Variants in TARBP1 observed in about 807,000 individuals in gnomAD.
TARBP1 encodes the protein tRNA guanosine 2 -O-methyltransferase TARBP1.
In TARBP1, 144 loss-of-function variants were observed where a neutral mutation model predicts 178.6. The ratio of observed to expected loss-of-function variants is 0.81; its 90% CI spans 0.70 to 0.93. The LOEUF (loss-of-function observed/expected upper bound fraction) is 0.93. TARBP1 is among the 40% of genes least tolerant of loss of function. The pLI is 0.00. For synonymous variants in TARBP1, 787 were observed against 781.0 expected, an observed-to-expected ratio of 1.01 and a Z score of -0.13; for missense variants, 2,067 against 2,011.7, an observed-to-expected ratio of 1.03 and a Z score of -0.53.
At position 234,418,244 on chromosome 1, in the gene TARBP1, A is replaced by C; in HGVS notation, c.3556-11T>G. 1 of 1,547,178 alleles carries C rather than the reference A, an allele frequency of 6.5e-7. No homozygotes were observed. On this transcript the variant is annotated splice_polypyrimidine_tract_variant and intron_variant, in intron 21 of 29. Transcript: ENST00000040877. ...TCCATTCAAGAAATTCTGAGAAAAA[A>C]AGTTCACAATTAACCAGTTACAGTT...
At position 234,433,368 on chromosome 1, in the gene TARBP1, C is replaced by T. The variant is rs749972849; in HGVS notation, c.2394+42G>A. 3.4e-5 allele frequency: 54 copies of T among 1,590,144 alleles called. No individual in the cohort carries two copies. The East Asian group carries it at 5.6e-4, about 16-fold the overall frequency. On this transcript the variant is annotated intron_variant, in intron 14 of 29. Coordinates refer to ENST00000040877, the MANE Select transcript of TARBP1 (RefSeq NM_005646.4). ...AACTGAATATGTATTCCCTGTATGCCTTATTCAAGATAACTACAAACCTTG... is the reference window on the plus strand; with the variant it reads ...AACTGAATATGTATTCCCTGTATGCTTTATTCAAGATAACTACAAACCTTG...
At position 234,465,708 on chromosome 1, in the gene TARBP1, AC is replaced by A; in HGVS notation, c.1249-1del. On this transcript the variant is annotated splice_acceptor_variant, in intron 4 of 29. Coordinates refer to ENST00000040877, the MANE Select transcript of TARBP1 (RefSeq NM_005646.4). LOFTEE classifies it high-confidence loss of function. ...GCATCCATTAATGGTCCAATAATAA[AC>A]TAAAAAAAAAAAAAAAAAAAGACAC... The A allele has an allele frequency of 1.3e-6, 2 of 1,517,934 alleles. No homozygotes were observed. Among genetic ancestry groups the A allele is most frequent in the Non-Finnish European group, 1.8e-6 (2 of 1,140,528 alleles). The allele number at this position is 1,517,934 out of a possible 1,614,324, so 94.0% of individuals were successfully genotyped here. A position where few individuals can be genotyped will look rare whatever the true frequency, so the allele number is the denominator to read the frequency against.
intron 12 of TARBP1, among the ~76,000 whole-genome samples, chr1:234,438,900 A>G (rs1196464653): frequency 2.0e-5 from 3 of 152,206 alleles, no homozygotes; most frequent in Admixed American, 6.5e-5. Context: ...ACAGAGAAAA[A>G]TGACATTGCC....
At chr1:234,434,447 G>T (rs764727799) in intron 13 of TARBP1, among the ~76,000 whole-genome samples, 1 of 152,300 alleles carries the variant, frequency 6.6e-6, no homozygotes, top group South Asian at 2.1e-4. Flanking sequence ...AGAAGGTAAC[G>T]ATTACAAGAC....
intron 23 of TARBP1, chr1:234,406,363 G>C (rs989386721): frequency 2.3e-6 from 1 of 428,060 alleles, no homozygotes; most frequent in African/African-American, 2.0e-5. Context: ...CCATACTCTA[G>C]TACCTGAGTT....
intron 23 of TARBP1, chr1:234,408,028 C>T (rs1036844491): frequency 1.3e-5 from 2 of 152,186 alleles, no homozygotes; most frequent in Admixed American, 1.3e-4. Context: ...GGAGCCCACA[C>T]TCAAAAATGT....
chr1:234,427,860 AAC>A (rs1663960675), intron 17 of TARBP1, 94 bp from the exon 18 acceptor site: 1 of 850,344 alleles, frequency 1.2e-6, no homozygotes. Context: ...CATAATCATG[AAC>A]AGTCTAAAAA....
intron 12 of TARBP1, 48 bp from the exon 13 acceptor site, chr1:234,437,420 G>A (rs780036418): frequency 2.3e-5 from 21 of 930,000 alleles, no homozygotes; most frequent in Non-Finnish European, 3.4e-5. Context: ...CAGTTCTTTG[G>A]TACAAAACAC....
Position 234,418,142 on chromosome 1 carries a change from A to G in TARBP1, c.3647T>C (p.Ile1216Thr), listed in dbSNP as rs1662648158. The G allele has an allele frequency of 6.6e-7, 1 of 1,517,544 alleles. No individual in the cohort carries two copies. The highest frequency in any genetic ancestry group is 8.8e-7 in the Non-Finnish European group (1 of 1,133,662). 94.0% of individuals were successfully genotyped at this position (1,517,544 alleles called of 1,614,324 possible). Residue 1216 changes from isoleucine (I) to threonine (T), a missense_variant, in exon 22 of 30, where the codon ATA (isoleucine) becomes ACA (threonine). Coordinates refer to ENST00000040877, the MANE Select transcript of TARBP1 (RefSeq NM_005646.4). ...SIKYFIEWII[I>T]LILHKFPQFL... ...TTGAGGGAATTTATGAAGAATCAATATAATAATCCATTCTATAAAATATTT... is the reference window on the plus strand; with the variant it reads ...TTGAGGGAATTTATGAAGAATCAATGTAATAATCCATTCTATAAAATATTT...
intron 8 of TARBP1, among the ~76,000 whole-genome samples, chr1:234,458,325 CAA>C (rs965099614): frequency 1.1e-4 from 17 of 151,320 alleles, no homozygotes; most frequent in African/African-American, 4.1e-4. Context: ...GTCTGGGAGA[CAA>C]GAGCAAAACT....
At chr1:234,395,193 C>T (rs1424778674) in intron 26 of TARBP1, among the ~76,000 whole-genome samples, 2 of 152,110 alleles carry the variant, frequency 1.3e-5, no homozygotes, top group Admixed American at 1.3e-4. Flanking sequence ...CACTTCACTC[C>T]AGCCTGCAGC....
chr1:234,415,762 GGGGTAATGTCCCCAGTGAACTA>G (rs1171802876), intron 22 of TARBP1, among the ~76,000 whole-genome samples: 3 of 152,172 alleles, frequency 2.0e-5, no homozygotes, highest in African/African-American at 7.2e-5. Flanking sequence ...TGTGTCCAGT[GGGGTAATGTCCCCAGTGAACTA>G]GCTCTCTCTG....
rs1451298039 is a variant in TARBP1, at chr1:234,450,580, C to T, written c.1723-14G>A. 3 of 1,602,808 alleles carry T rather than the reference C, an allele frequency of 1.9e-6. No homozygotes were observed. The highest frequency in any genetic ancestry group is 2.5e-6 in the Non-Finnish European group (3 of 1,176,836). ...CCAGTCACACAGCTGGAAAAGAAAA[C>T]AGTTATTACTTTATTTTAAAAACCT... is the stretch of plus-strand genomic sequence containing the variant. On this transcript the variant is annotated splice_polypyrimidine_tract_variant and intron_variant, in intron 9 of 29. Transcript: ENST00000040877.
intron 11 of TARBP1, 69 bp downstream of exon 11, chr1:234,448,411 T>C: frequency 7.3e-7 from 1 of 1,363,310 alleles, no homozygotes. Flanking sequence ...TTCAAAAATC[T>C]GAATACACAT....
chr1:234,393,308 G>A (rs1195827320), intron 28 of TARBP1, 54 bp downstream of exon 28: 1 of 1,387,742 alleles, frequency 7.2e-7, no homozygotes, highest in Non-Finnish European at 9.5e-7. Context: ...AGGTTCACGG[G>A]TACATGTGCG....
intron 21 of TARBP1, among the ~76,000 whole-genome samples, chr1:234,418,515 C>A (rs58280136): frequency 0.015 from 2,243 of 152,316 alleles, 53 homozygotes; most frequent in African/African-American, 0.05. Flanking sequence ...AGCTGAATAA[C>A]CCTCCCAAAG....
rs200017933 is a variant in TARBP1, at chr1:234,410,493, T to C, written c.3744A>G (p.Leu1248=). The change falls in exon 23 of 30, where the codon TTA becomes TTG. Residue 1248 remains leucine (L), a synonymous_variant. Coordinates refer to ENST00000040877, the MANE Select transcript of TARBP1 (RefSeq NM_005646.4). ...TAATGTCTAAATGTGATAAAACTGC[T>C]AAAAACGTACAAATGCTTGTTTTAA... ...ENLKTSICTF[L]AVLSHLDIIT... 6.5e-6 allele frequency: 10 copies of C among 1,528,060 alleles called. No individual in the cohort carries two copies. Among genetic ancestry groups the C allele is most frequent in the Non-Finnish European group, 9.0e-6 (10 of 1,113,188 alleles). The allele number at this position is 1,528,060 out of a possible 1,614,324, so 94.7% of individuals were successfully genotyped here.
intron 1 of TARBP1, among the ~76,000 whole-genome samples, chr1:234,474,227 G>A (rs1461424018): frequency 6.8e-6 from 1 of 147,260 alleles, no homozygotes; most frequent in Admixed American, 6.9e-5. Flanking sequence ...CTGGGCAAGA[G>A]CGAGGATTTG....
Position 234,450,422 on chromosome 1 carries a change from A to T in TARBP1, c.1861+6T>A, listed in dbSNP as rs1666630468. Reference sequence around the variant, plus strand: ...TATCAATCCATAAAAATGATTGCAGACTTACTTTCCCAAGCAGATGACTTA... The same window carrying T: ...TATCAATCCATAAAAATGATTGCAGTCTTACTTTCCCAAGCAGATGACTTA... On this transcript the variant is annotated splice_donor_region_variant and intron_variant, in intron 10 of 29. Transcript: ENST00000040877. The T allele has an allele frequency of 6.4e-7, 1 of 1,559,668 alleles. No homozygotes were observed. The highest frequency in any genetic ancestry group is 1.4e-5 in the African/African-American group (1 of 71,546).
Sources: allele counts gnomAD v4.1 joint callset (sites outside exome capture counted in the v4.1 genomes callset), GRCh38; gene constraint gnomAD v4.1.1; transcripts MANE v1.5; gene names NCBI Gene and HGNC (gene_info 2026-07-23, HGNC 2026-07-21).